KAT6B: variants seen among roughly 807,000 people sequenced by gnomAD.
KAT6B encodes the protein histone acetyltransferase KAT6B.
In KAT6B, 10 loss-of-function variants were observed where a neutral mutation model predicts 187.5. The observed-to-expected ratio is 0.05, with a 90% CI of 0.03 to 0.09. KAT6B has a LOEUF of 0.09. Ranked by LOEUF, KAT6B falls within the 10% of genes least tolerant of loss-of-function variation. KAT6B has a pLI of 1.00. For missense variants in KAT6B, 1,952 were observed against 2,558.9 expected (o/e 0.76, Z 5.12); for synonymous variants, 861 against 926.8 (o/e 0.93, Z 1.29).
At chr10:74,859,761 C>G (rs1843048629) in intron 3 of KAT6B, among the ~76,000 whole-genome samples, 1 of 152,212 alleles carries the variant, frequency 6.6e-6, no homozygotes, top group Non-Finnish European at 1.5e-5. Context: ...TCATTTTCCA[C>G]CAGCTACAGA....
intron 3 of KAT6B, among the ~76,000 whole-genome samples, chr10:74,910,737 G>A (rs559396702): frequency 5.3e-5 from 8 of 152,000 alleles, no homozygotes; most frequent in African/African-American, 1.9e-4. Context: ...GGGTTTGAGA[G>A]GAAGTTTGTC....
rs566621343 is a variant in KAT6B, at chr10:74,852,299, A to G, written c.621+8821A>G. ...TAAATATTGTAAAATATGCTCTTCAAAATAACCTGCATTTTGGAATTGGTA... is the reference window on the plus strand; with the variant it reads ...TAAATATTGTAAAATATGCTCTTCAGAATAACCTGCATTTTGGAATTGGTA... On this transcript the variant is annotated intron_variant, in intron 3 of 17. Transcript: ENST00000287239. Among the ~76,000 whole-genome samples, 49 of 152,368 alleles carry G rather than the reference A, an allele frequency of 3.2e-4. 2 individuals are homozygous for G. The highest frequency in any genetic ancestry group is 1.1e-3 in the African/African-American group (46 of 41,588).
At chr10:74,946,794 T>C (rs1839980104) in intron 3 of KAT6B, among the ~76,000 whole-genome samples, 1 of 152,148 alleles carries the variant, frequency 6.6e-6, no homozygotes, top group African/African-American at 2.4e-5. Flanking sequence ...GGTCTGTATT[T>C]TGATAGGGGT....
intron 3 of KAT6B, among the ~76,000 whole-genome samples, chr10:74,950,743 C>T (rs1040500369): frequency 1.3e-5 from 2 of 152,172 alleles, no homozygotes; most frequent in African/African-American, 4.8e-5. Flanking sequence ...TGTTGCAGTG[C>T]CATCAGTTGT....
chr10:74,899,445 G>A (rs1267325424), intron 3 of KAT6B, among the ~76,000 whole-genome samples: 1 of 151,264 alleles, frequency 6.6e-6, no homozygotes, highest in Non-Finnish European at 1.5e-5. Context: ...GGCTAATTTT[G>A]TATATTTTTA....
chr10:74,843,571 A>G, intron 3 of KAT6B, 93 bp downstream of exon 3: 2 of 1,473,852 alleles, frequency 1.4e-6, no homozygotes, highest in Non-Finnish European at 1.9e-6. Flanking sequence ...AGTTCTGAAT[A>G]AAGTTTGATA....
intron 3 of KAT6B, among the ~76,000 whole-genome samples, chr10:74,884,199 G>A (rs1244673772): frequency 6.6e-6 from 1 of 152,178 alleles, no homozygotes; most frequent in Non-Finnish European, 1.5e-5. Flanking sequence ...TGAAATCCCT[G>A]GGTTGAAAAT....
chr10:74,969,502 G>GA (rs2133650736), intron 4 of KAT6B, among the ~76,000 whole-genome samples, 158 bp from the exon 5 acceptor site: 1 of 152,296 alleles, frequency 6.6e-6, no homozygotes, highest in East Asian at 1.9e-4. Context: ...AGGCAGAAAG[G>GA]AAAATCTGTA....
chr10:74,852,810 T>C (rs553853520), intron 3 of KAT6B, among the ~76,000 whole-genome samples: 2 of 152,338 alleles, frequency 1.3e-5, no homozygotes, highest in East Asian at 3.9e-4. Context: ...GTGATACCTT[T>C]ACTGTATGTA....
At chr10:74,881,478 A>G (rs748046408) in intron 3 of KAT6B, among the ~76,000 whole-genome samples, 17 of 152,278 alleles carry the variant, frequency 1.1e-4, no homozygotes, top group Non-Finnish European at 2.1e-4. Context: ...GCTTCTGGCT[A>G]TCTCCAAACA....
Position 74,975,461 on chromosome 10 carries a change from G to A in KAT6B, c.1124G>A (p.Gly375Asp). The change falls in exon 8 of 18, where the codon GGT becomes GAT. Residue 375 changes from glycine to aspartate, a missense_variant. Physicochemically the swap from Gly to Asp is moderately conservative, Grantham distance 94. Around this residue, in one of 9 missense-constraint regions of KAT6B, gnomAD observed 417 missense variants for 508.9 expected, o/e 0.82. Coordinates refer to ENST00000287239, the MANE Select transcript of KAT6B (RefSeq NM_012330.4). ...AFTGRGSPGR[G>D]QKTKVCTTPS... is the part of the protein sequence containing the mutation. ...ACAGGAAGGGGGTCACCTGGTAGGG[G>A]TCAAAAGACTAAAGTCTGTACCACA... is the stretch of plus-strand genomic sequence containing the variant. 3.1e-6 allele frequency: 5 copies of A among 1,614,128 alleles called. No homozygotes were observed. The highest frequency in any genetic ancestry group is 4.2e-6 in the Non-Finnish European group (5 of 1,180,008).
intron 3 of KAT6B, among the ~76,000 whole-genome samples, chr10:74,859,183 C>G (rs1160487903): frequency 2.0e-5 from 3 of 152,066 alleles, no homozygotes; most frequent in African/African-American, 7.2e-5. Context: ...CAGGTTCAAG[C>G]AATTCTCATG....
chr10:74,860,035 A>C (rs190472985), intron 3 of KAT6B, among the ~76,000 whole-genome samples: 1 of 152,150 alleles, frequency 6.6e-6, no homozygotes, highest in Non-Finnish European at 1.5e-5. Flanking sequence ...ACACTTTTTC[A>C]GTTGTTTTTT....
chr10:74,953,827 C>T (rs959622606), intron 3 of KAT6B, among the ~76,000 whole-genome samples: 9 of 152,132 alleles, frequency 5.9e-5, no homozygotes, highest in African/African-American at 1.9e-4. Context: ...TGTCCAGTTA[C>T]TTAGACTAAG....
intron 3 of KAT6B, among the ~76,000 whole-genome samples, chr10:74,849,013 A>C (rs1170432946): frequency 6.6e-6 from 1 of 152,096 alleles, no homozygotes; most frequent in Non-Finnish European, 1.5e-5. Flanking sequence ...ACAGAGTGTC[A>C]CTGTGTCACC....
At chr10:75,008,850 C>T (rs1844398466) in intron 13 of KAT6B, among the ~76,000 whole-genome samples, 1 of 152,158 alleles carries the variant, frequency 6.6e-6, no homozygotes, top group Admixed American at 6.5e-5. Context: ...TGAAATACCT[C>T]CCTGCCAATT....
intron 3 of KAT6B, among the ~76,000 whole-genome samples, chr10:74,903,503 A>G (rs769413441): frequency 1.3e-5 from 2 of 152,220 alleles, no homozygotes; most frequent in African/African-American, 2.4e-5. Context: ...GAAACTGAGC[A>G]TGGTCCCCAG....
intron 3 of KAT6B, among the ~76,000 whole-genome samples, chr10:74,908,311 G>A (rs1291163218): frequency 1.3e-5 from 2 of 151,968 alleles, no homozygotes; most frequent in African/African-American, 4.8e-5. Flanking sequence ...GCCTGTAATC[G>A]CGGCACTTTG....
chr10:74,830,615 A>G (rs1291113214), intron 1 of KAT6B, among the ~76,000 whole-genome samples: 11 of 150,618 alleles, frequency 7.3e-5, no homozygotes, highest in Non-Finnish European at 7.4e-5. Context: ...CTCCAGCAAT[A>G]TATGAATTCC....
Sources: gnomAD v4.1 joint callset for allele counts (sites outside exome capture counted in the v4.1 genomes callset) on GRCh38, gnomAD v4.1.1 for gene constraint, gnomAD v4.1.1 regional missense constraint, MANE v1.5 for transcripts, NCBI Gene and HGNC (gene_info 2026-07-23, HGNC 2026-07-21) for gene names.